GNAI1: variants seen among roughly 807,000 people sequenced by gnomAD.
The protein encoded by GNAI1 is guanine nucleotide-binding protein G(i) subunit alpha-1.
Under a neutral mutation model 38.9 loss-of-function variants are expected in GNAI1, and 11 were observed. The observed-to-expected ratio is 0.28, with a 90% CI of 0.18 to 0.47. The LOEUF is 0.47. GNAI1 is among the 20% of genes least tolerant of loss of function. GNAI1 has a pLI of 0.99. For synonymous variants in GNAI1, 166 were observed against 145.1 expected, an observed-to-expected ratio of 1.14 and a Z score of -1.04; for missense variants, 317 against 436.9, an observed-to-expected ratio of 0.73 and a Z score of 2.45.
intron 7 of GNAI1, among the ~76,000 whole-genome samples, chr7:80,214,910 C>G (rs1788934450): frequency 6.6e-6 from 1 of 152,146 alleles, no homozygotes; most frequent in Admixed American, 6.5e-5. Context: ...CCTAATTTCT[C>G]TCTGGAGCCT....
At chr7:80,138,336 G>A (rs1787462343) in intron 1 of GNAI1, among the ~76,000 whole-genome samples, 1 of 152,122 alleles carries the variant, frequency 6.6e-6, no homozygotes, top group African/African-American at 2.4e-5. Context: ...ACTATACTGA[G>A]CAGTGAATTA....
chr7:80,137,423 C>T (rs993706408), intron 1 of GNAI1, among the ~76,000 whole-genome samples: 2 of 140,344 alleles, frequency 1.4e-5, no homozygotes, highest in Non-Finnish European at 3.0e-5. Context: ...TGGGTTCAAG[C>T]GATTCTCCAG....
intron 3 of GNAI1, among the ~76,000 whole-genome samples, chr7:80,191,672 G>A (rs1167251974): frequency 2.6e-5 from 4 of 152,124 alleles, no homozygotes; most frequent in African/African-American, 4.8e-5. Flanking sequence ...GATTACAAGC[G>A]TGAGCCACCA....
chr7:80,182,978 A>G (rs1180555474), intron 1 of GNAI1, among the ~76,000 whole-genome samples: 2 of 152,150 alleles, frequency 1.3e-5, no homozygotes, highest in African/African-American at 4.8e-5. Flanking sequence ...TCTTGGAGCA[A>G]GGTGCCCATG....
intron 7 of GNAI1, 128 bp from the exon 8 acceptor site, chr7:80,217,175 A>T: frequency 5.6e-6 from 1 of 178,146 alleles, no homozygotes; most frequent in Non-Finnish European, 9.9e-6. Flanking sequence ...GGGAAAGCAC[A>T]GTTAAGGAGT....
chr7:80,162,135 C>T (rs946985157), intron 1 of GNAI1, among the ~76,000 whole-genome samples: 2 of 152,062 alleles, frequency 1.3e-5, no homozygotes, highest in African/African-American at 4.8e-5. Context: ...CTTGAGTTCT[C>T]TTTATCATGT....
chr7:80,170,153 A>G (rs1182541266), intron 1 of GNAI1, among the ~76,000 whole-genome samples: 1 of 152,142 alleles, frequency 6.6e-6, no homozygotes, highest in Non-Finnish European at 1.5e-5. Context: ...GCCTGTGAGT[A>G]TATTTCATTT....
intron 1 of GNAI1, among the ~76,000 whole-genome samples, chr7:80,140,091 C>T (rs1787499080): frequency 6.6e-6 from 1 of 151,642 alleles, no homozygotes; most frequent in Non-Finnish European, 1.5e-5. Flanking sequence ...TCACGCCATT[C>T]TCCTGCCTCA....
rs150638551 is a variant in GNAI1 at position 80,222,441 on chromosome 7, G to A, written c.*4948G>A. ...TCGTTCTTGTTTCCCAGGCTGGAGC[G>A]CAATGGTGCGATCTCGGCTCACCGC... is the stretch of plus-strand genomic sequence containing the variant. On this transcript the variant is annotated 3_prime_UTR_variant, in exon 8 of 8. Coordinates refer to ENST00000649796, the MANE Select transcript of GNAI1 (RefSeq NM_002069.6). Among the ~76,000 whole-genome samples, 636 of 146,642 alleles carry A rather than the reference G, an allele frequency of 4.3e-3. 6 individuals are homozygous for A. The highest frequency in any genetic ancestry group is 0.015 in the African/African-American group (594 of 39,574).
At position 80,222,215 on chromosome 7, in the gene GNAI1, G is replaced by A. The variant is rs1192175811; in HGVS notation, c.*4722G>A. On this transcript the variant is annotated 3_prime_UTR_variant, in exon 8 of 8. Transcript: ENST00000649796. ...AGCTGCAATTGTCCAAGCCAGAGCT[G>A]ATTAGGCCTCAACTGGAATAGTCCC... Among the ~76,000 whole-genome samples the A allele has an allele frequency of 1.3e-5, 2 of 152,008 alleles. No individual in the cohort carries two copies. The highest frequency in any genetic ancestry group is 3.9e-4 in the East Asian group (2 of 5,174).
chr7:80,224,645 A>G lies in GNAI1; in HGVS notation c.*7152A>G, dbSNP rs1562849592. 6.6e-6 allele frequency among the ~76,000 whole-genome samples: 1 copy of G among 152,192 alleles called. No homozygotes were observed. The highest frequency in any genetic ancestry group is 1.5e-5 in the Non-Finnish European group (1 of 68,034). On this transcript the variant is annotated 3_prime_UTR_variant, in exon 8 of 8. Coordinates refer to ENST00000649796, the MANE Select transcript of GNAI1 (RefSeq NM_002069.6). ...GTCAATGGCTGTGAAAAGCCAGTGC[A>G]GTAAAGAAGTAAAGAGCTCTCTGTG...
At chr7:80,172,119 A>G (rs879644668) in intron 1 of GNAI1, among the ~76,000 whole-genome samples, 1 of 152,192 alleles carries the variant, frequency 6.6e-6, no homozygotes, top group Non-Finnish European at 1.5e-5. Flanking sequence ...AACTTTGACT[A>G]GATTTCTTAA....
intron 1 of GNAI1, among the ~76,000 whole-genome samples, chr7:80,140,677 G>A (rs866516006): frequency 6.6e-6 from 1 of 152,152 alleles, no homozygotes; most frequent in African/African-American, 2.4e-5. Context: ...GCTCAGACTG[G>A]TTTCTGTCAT....
chr7:80,213,852 T>C (rs1190539774), intron 7 of GNAI1, among the ~76,000 whole-genome samples: 2 of 151,920 alleles, frequency 1.3e-5, no homozygotes, highest in South Asian at 2.1e-4. Flanking sequence ...GTTTTTTTTT[T>C]TAAAAGTCTC....
intron 1 of GNAI1, among the ~76,000 whole-genome samples, chr7:80,188,069 G>T (rs1186542175): frequency 1.3e-5 from 2 of 151,938 alleles, no homozygotes; most frequent in South Asian, 2.1e-4. Context: ...CAATGAAGAT[G>T]AAAAAACACT....
intron 1 of GNAI1, among the ~76,000 whole-genome samples, chr7:80,188,002 T>C (rs568634571): frequency 5.9e-5 from 9 of 152,218 alleles, no homozygotes; most frequent in Non-Finnish European, 1.2e-4. Flanking sequence ...AGAGCCTGCA[T>C]GTATACAGAG....
chr7:80,185,460 G>A (rs370314835), intron 1 of GNAI1, among the ~76,000 whole-genome samples: 1 of 152,052 alleles, frequency 6.6e-6, no homozygotes, highest in Non-Finnish European at 1.5e-5. Flanking sequence ...CAGAAGAACC[G>A]AATCAGCCTA....
chr7:80,180,597 C>G (rs1472626991), intron 1 of GNAI1, among the ~76,000 whole-genome samples: 3 of 152,076 alleles, frequency 2.0e-5, no homozygotes, highest in Admixed American at 6.6e-5. Flanking sequence ...CTCATTAGCT[C>G]AAGATAATTA....
At chr7:80,182,030 C>A (rs564765563) in intron 1 of GNAI1, among the ~76,000 whole-genome samples, 4 of 152,090 alleles carry the variant, frequency 2.6e-5, no homozygotes, top group African/African-American at 7.2e-5. Flanking sequence ...ATCTCCCTCC[C>A]TCCCCTTCAG....
Sources: allele counts gnomAD v4.1 joint callset (sites outside exome capture counted in the v4.1 genomes callset), GRCh38; gene constraint gnomAD v4.1.1; transcripts MANE v1.5; gene names NCBI Gene and HGNC (gene_info 2026-07-23, HGNC 2026-07-21).